The following DLC1 variants were observed in gnomAD, a reference collection of about 807,000 sequenced individuals.
DLC1 encodes DLC1 Rho GTPase activating protein, also known as rho GTPase-activating protein 7.
A neutral mutation model predicts 140.3 loss-of-function variants in DLC1; 54 were observed. The observed-to-expected ratio is 0.38, with a 90% confidence interval of 0.31 to 0.48. The LOEUF (loss-of-function observed/expected upper bound fraction) is 0.48, where lower values mean the gene tolerates loss of function less well. DLC1 is among the 20% of genes least tolerant of loss of function. The pLI, the probability that DLC1 is intolerant of heterozygous loss-of-function variation, is 0.96. For synonymous variants in DLC1, 986 were observed against 728.1 expected (o/e 1.35, Z -5.70); for missense variants, 2,536 against 1,907.0 (o/e 1.33, Z -6.14).
intron 4 of DLC1, among the ~76,000 whole-genome samples, chr8:13,336,489 T>C (rs528740262): frequency 1.0e-3 from 159 of 152,238 alleles, no homozygotes; most frequent in Non-Finnish European, 1.7e-3. Flanking sequence ...TTTTTTATTG[T>C]TAGGTTTGTA....
At chr8:13,144,079 A>C (rs1404866902) in intron 5 of DLC1, among the ~76,000 whole-genome samples, 3 of 152,168 alleles carry the variant, frequency 2.0e-5, no homozygotes, top group Non-Finnish European at 4.4e-5. Flanking sequence ...TATCTTTATG[A>C]GGGTGGTTCT....
rs905615767 is a variant in DLC1 at position 13,345,459 on chromosome 8, T to C, written c.1315-40157A>G. ...GGGAAGGAGCCAGGAGCCAGTTCAT[T>C]TGGGGCTGAGGGAGTCCCAGGGATC... On this transcript the variant is annotated intron_variant, in intron 4 of 17. Coordinates refer to ENST00000276297, the MANE Select transcript of DLC1 (RefSeq NM_182643.3). Among the ~76,000 whole-genome samples the C allele has an allele frequency of 2.0e-5, 3 of 151,240 alleles. No homozygotes were observed. The South Asian group carries it at 6.3e-4, about 32-fold the overall frequency.
intron 5 of DLC1, among the ~76,000 whole-genome samples, chr8:13,180,027 G>A (rs1825951524): frequency 6.6e-6 from 1 of 152,072 alleles, no homozygotes; most frequent in African/African-American, 2.4e-5. Flanking sequence ...ATCAGTGGTT[G>A]CTCTAGACGT....
intron 5 of DLC1, among the ~76,000 whole-genome samples, chr8:13,217,854 CA>C (rs199615802): frequency 1.2e-4 from 14 of 121,006 alleles, no homozygotes; most frequent in South Asian, 5.9e-4. Context: ...AAAACAACAA[CA>C]AAAAAAAACC....
chr8:13,567,293 A>G (rs1208349001), intron 1 of DLC1: 3 of 1,551,786 alleles, frequency 1.9e-6, no homozygotes, highest in African/African-American at 1.4e-5. Context: ...TTTGAACGGC[A>G]CCAACCAGAC....
intron 4 of DLC1, among the ~76,000 whole-genome samples, chr8:13,312,619 A>C (rs896483032): frequency 6.6e-6 from 1 of 152,038 alleles, no homozygotes; most frequent in Non-Finnish European, 1.5e-5. Context: ...AGTTTATTCC[A>C]ATTGAACATT....
chr8:13,097,888 A>G (rs542697215), intron 10 of DLC1, among the ~76,000 whole-genome samples: 1 of 152,162 alleles, frequency 6.6e-6, no homozygotes, highest in South Asian at 2.1e-4. Context: ...ATGTGGCCTC[A>G]AGAATATAGA....
intron 4 of DLC1, among the ~76,000 whole-genome samples, chr8:13,325,198 C>T (rs1833288409): frequency 6.6e-6 from 1 of 152,068 alleles, no homozygotes; most frequent in East Asian, 1.9e-4. Context: ...TCAGTGTAGG[C>T]TGTTTGCTAG....
intron 2 of DLC1, among the ~76,000 whole-genome samples, chr8:13,493,229 A>AGCTATATAT (rs1395414179): frequency 2.0e-5 from 3 of 152,152 alleles, no homozygotes; most frequent in African/African-American, 7.2e-5. Flanking sequence ...TTATCTGCAG[A>AGCTATATAT]GCTATATATA....
intron 1 of DLC1, among the ~76,000 whole-genome samples, chr8:13,534,725 CA>C (rs1370969327): frequency 1.3e-5 from 2 of 152,158 alleles, no homozygotes; most frequent in African/African-American, 4.8e-5. Flanking sequence ...ATTCTGAAGC[CA>C]CTACCTTCTG....
intron 2 of DLC1, among the ~76,000 whole-genome samples, chr8:13,419,492 T>C (rs1838215094): frequency 1.3e-5 from 2 of 152,198 alleles, no homozygotes; most frequent in South Asian, 2.1e-4. Flanking sequence ...TTGTCTTTGT[T>C]TCTGTTTATA....
At chr8:13,203,828 T>C (rs932616433) in intron 5 of DLC1, among the ~76,000 whole-genome samples, 1 of 152,194 alleles carries the variant, frequency 6.6e-6, no homozygotes, top group African/African-American at 2.4e-5. Context: ...GAAAATACCA[T>C]GATAGGAAAA....
At chr8:13,131,859 C>T (rs1213564622) in intron 5 of DLC1, among the ~76,000 whole-genome samples, 2 of 152,220 alleles carry the variant, frequency 1.3e-5, no homozygotes, top group Non-Finnish European at 2.9e-5. Flanking sequence ...CCCGTGTCCC[C>T]TCTCACTTTC....
intron 5 of DLC1, among the ~76,000 whole-genome samples, chr8:13,124,782 T>C (rs1821412633): frequency 6.6e-6 from 1 of 152,200 alleles, no homozygotes; most frequent in Admixed American, 6.5e-5. Flanking sequence ...TCACCTTCTC[T>C]CTAAGACCAC....
At chr8:13,109,923 A>C (rs571100472) in intron 7 of DLC1, among the ~76,000 whole-genome samples, 2 of 152,298 alleles carry the variant, frequency 1.3e-5, no homozygotes, top group African/African-American at 4.8e-5. Flanking sequence ...AAAAAAACAA[A>C]AACAAAAAAA....
At chr8:13,286,752 A>C (rs1244416161) in intron 5 of DLC1, among the ~76,000 whole-genome samples, 2 of 151,926 alleles carry the variant, frequency 1.3e-5, no homozygotes, top group Admixed American at 6.5e-5. Context: ...ACACATGAAA[A>C]AAGTGAAACT....
At chr8:13,497,981 T>A (rs1230575228) in intron 2 of DLC1, among the ~76,000 whole-genome samples, 2 of 152,198 alleles carry the variant, frequency 1.3e-5, no homozygotes, top group African/African-American at 4.8e-5. Context: ...GAAAACCAGA[T>A]TTCTTCACTA....
chr8:13,182,402 A>G (rs571839221), intron 5 of DLC1, among the ~76,000 whole-genome samples: 19 of 152,122 alleles, frequency 1.2e-4, no homozygotes, highest in Non-Finnish European at 2.1e-4. Context: ...GCCCGTGCCT[A>G]TGTCCTGAAT....
chr8:13,401,619 C>T lies in DLC1; in HGVS notation c.1024G>A (p.Glu342Lys). The T allele has an allele frequency of 3.1e-6, 5 of 1,611,596 alleles. No individual in the cohort carries two copies. The highest frequency in any genetic ancestry group is 4.2e-6 in the Non-Finnish European group (5 of 1,179,154). The change falls in exon 3 of 18, where the codon GAA becomes AAA. Residue 342 changes from glutamate to lysine, a missense_variant and splice_region_variant. Physicochemically the swap from Glu to Lys is moderately conservative, Grantham distance 56. Transcript: ENST00000276297. ...DNQVRLRKRKEIREDRDRARL... is the reference protein window; with the variant it reads ...DNQVRLRKRKKIREDRDRARL... ...GCCCTATCTCGATCTTCTCTTATTT[C>T]CTGAGGAACAGAACATTTTGTTACT...
Sources: allele counts gnomAD v4.1 joint callset (sites outside exome capture counted in the v4.1 genomes callset), GRCh38; gene constraint gnomAD v4.1.1; transcripts MANE v1.5; gene names NCBI Gene and HGNC (gene_info 2026-07-23, HGNC 2026-07-21).